Variants in PID1 observed in about 807,000 individuals in gnomAD.
PID1 encodes the protein phosphotyrosine interaction domain containing 1.
A neutral mutation model predicts 19.1 loss-of-function variants in PID1; 10 were observed. That is an observed-to-expected ratio of 0.52 (90% CI 0.32 to 0.89). PID1 has a LOEUF of 0.89. Ranked by LOEUF, PID1 falls within the 40% of genes least tolerant of loss-of-function variation. The probability of loss-of-function intolerance (pLI) is 0.03; values close to 1 mark genes in which losing one functional copy is unlikely to be tolerated. For missense variants in PID1, 248 were observed against 285.3 expected (o/e 0.87, Z 0.94); for synonymous variants, 130 against 116.0 (o/e 1.12, Z -0.78).
intron 2 of PID1, among the ~76,000 whole-genome samples, chr2:229,117,409 C>T (rs1295772996): frequency 6.6e-6 from 1 of 152,148 alleles, no homozygotes; most frequent in Non-Finnish European, 1.5e-5. Flanking sequence ...TATCCCCTAC[C>T]AGCCACCTTC....
chr2:229,142,430 C>T (rs62190384), intron 2 of PID1, among the ~76,000 whole-genome samples: 32,922 of 151,842 alleles, frequency 0.22, 4,005 homozygotes, highest in South Asian at 0.48. Flanking sequence ...TAATGGAAAA[C>T]ATTCAGTCGT....
Position 229,024,519 on chromosome 2 carries a change from T to A in PID1, c.*1113A>T, listed in dbSNP as rs754434612. 2.0e-5 allele frequency: 3 copies of A among 152,654 alleles called. No individual in the cohort carries two copies. The highest frequency in any genetic ancestry group is 4.4e-5 in the Non-Finnish European group (3 of 68,044). The allele number at this position is 152,654 out of a possible 1,614,324, so 9.5% of individuals were successfully genotyped here. On this transcript the variant is annotated 3_prime_UTR_variant, in exon 3 of 3. Transcript: ENST00000392055. ...CCCTAAGATATCATCAATTTTATGATAACGCAATAAGATTTCCCTTTAGGT... is the reference window on the plus strand; with the variant it reads ...CCCTAAGATATCATCAATTTTATGAAAACGCAATAAGATTTCCCTTTAGGT...
Position 229,065,343 on chromosome 2 carries a change from T to C in PID1, c.178-39235A>G, listed in dbSNP as rs189429203. On this transcript the variant is annotated intron_variant, in intron 2 of 2. Transcript: ENST00000392055. ...AAAGCAGAGTAGATATGACATACGT[T>C]ATAAGCAATGCTAGTGACTATTTCT... 5.3e-3 allele frequency among the ~76,000 whole-genome samples: 804 copies of C among 152,290 alleles called. 5 individuals carry two copies. Among genetic ancestry groups the C allele is most frequent in the South Asian group, 9.1e-3 (44 of 4,824 alleles).
rs1693389959 is a variant in PID1, at chr2:229,025,373, A to G, written c.*259T>C. On this transcript the variant is annotated 3_prime_UTR_variant, in exon 3 of 3. Transcript: ENST00000392055. ...CCACAGAGAGGCATTGGGAAATGAG[A>G]AAAATAAGAGAGCCTAGAACCTTCC... 2 of 382,104 alleles carry G rather than the reference A, an allele frequency of 5.2e-6. No individual in the cohort carries two copies. Among genetic ancestry groups the G allele is most frequent in the Non-Finnish European group, 8.8e-6 (2 of 226,312 alleles). The allele number at this position is 382,104 out of a possible 1,614,324, so 23.7% of individuals were successfully genotyped here. A position where few individuals can be genotyped will look rare whatever the true frequency, so the allele number is the denominator to read the frequency against.
At chr2:229,041,582 A>G (rs1023474197) in intron 2 of PID1, among the ~76,000 whole-genome samples, 1 of 152,238 alleles carries the variant, frequency 6.6e-6, no homozygotes, top group African/African-American at 2.4e-5. Flanking sequence ...GGATGCTAAA[A>G]TTTGGGACTA....
chr2:229,058,415 T>C (rs569665895), intron 2 of PID1, among the ~76,000 whole-genome samples: 1 of 152,210 alleles, frequency 6.6e-6, no homozygotes, highest in African/African-American at 2.4e-5. Flanking sequence ...CTCTGCAGCA[T>C]GGATGCTGGT....
intron 2 of PID1, among the ~76,000 whole-genome samples, chr2:229,120,699 C>T (rs1271479347): frequency 6.6e-6 from 1 of 151,802 alleles, no homozygotes; most frequent in Non-Finnish European, 1.5e-5. Context: ...CATTTGTCCC[C>T]ACCAAAACTC....
intron 1 of PID1, among the ~76,000 whole-genome samples, chr2:229,184,903 G>A (rs374716066): frequency 7.3e-6 from 1 of 137,536 alleles, no homozygotes; most frequent in African/African-American, 2.7e-5. Context: ...TCCTATATAT[G>A]TATCCCATAT....
chr2:229,206,465 A>T (rs1691611037), intron 1 of PID1, among the ~76,000 whole-genome samples: 1 of 152,194 alleles, frequency 6.6e-6, no homozygotes, highest in South Asian at 2.1e-4. Context: ...CAAGACCCTT[A>T]AATTCAGTTT....
At chr2:229,216,183 G>A (rs529122706) in intron 1 of PID1, among the ~76,000 whole-genome samples, 2 of 152,322 alleles carry the variant, frequency 1.3e-5, no homozygotes, top group Admixed American at 1.3e-4. Flanking sequence ...GCAGAAGAAT[G>A]AACTACAAAG....
chr2:229,185,785 G>C (rs1691117094), intron 1 of PID1, among the ~76,000 whole-genome samples: 1 of 152,056 alleles, frequency 6.6e-6, no homozygotes, highest in South Asian at 2.1e-4. Context: ...TTTTGGGTGG[G>C]GACATAGCCA....
intron 1 of PID1, among the ~76,000 whole-genome samples, chr2:229,166,016 C>A (rs1298095621): frequency 6.6e-6 from 1 of 152,144 alleles, no homozygotes; most frequent in Non-Finnish European, 1.5e-5. Context: ...AAGACTTGTA[C>A]ACAAATGCTC....
rs550082397 is a variant in PID1, at chr2:229,063,437, A to C, written c.178-37329T>G. 9.6e-4 allele frequency among the ~76,000 whole-genome samples: 146 copies of C among 152,222 alleles called. 1 individual carries two copies. The highest frequency in any genetic ancestry group is 3.3e-3 in the African/African-American group (138 of 41,546). On this transcript the variant is annotated intron_variant, in intron 2 of 2. Transcript: ENST00000392055. ...TATTTGCATTTGGGAATTCTCCAAAATTCTTCCTGTTGTTGATTTCCAGTT... is the reference window on the plus strand; with the variant it reads ...TATTTGCATTTGGGAATTCTCCAAACTTCTTCCTGTTGTTGATTTCCAGTT...
intron 2 of PID1, among the ~76,000 whole-genome samples, chr2:229,043,059 G>T (rs976021339): frequency 1.3e-5 from 2 of 150,358 alleles, no homozygotes; most frequent in African/African-American, 4.9e-5. Context: ...AGGCTGAAGT[G>T]CAGTGGAGCG....
intron 1 of PID1, among the ~76,000 whole-genome samples, chr2:229,221,545 T>C (rs1691970332): frequency 6.6e-6 from 1 of 152,120 alleles, no homozygotes; most frequent in African/African-American, 2.4e-5. Context: ...CATCAATGCC[T>C]CTTTCCATCT....
intron 1 of PID1, among the ~76,000 whole-genome samples, chr2:229,188,450 C>G (rs1361937852): frequency 6.6e-6 from 1 of 152,056 alleles, no homozygotes; most frequent in Non-Finnish European, 1.5e-5. Flanking sequence ...GAGATTGTGT[C>G]TGTTAGGCCA....
intron 2 of PID1, among the ~76,000 whole-genome samples, chr2:229,048,933 T>C (rs1693936713): frequency 6.6e-6 from 1 of 152,044 alleles, no homozygotes; most frequent in African/African-American, 2.4e-5. Flanking sequence ...GCAAACTTGA[T>C]TGTATATTTG....
chr2:229,059,501 T>C (rs2106191571), intron 2 of PID1, among the ~76,000 whole-genome samples: 1 of 152,306 alleles, frequency 6.6e-6, no homozygotes, highest in Non-Finnish European at 1.5e-5. Flanking sequence ...AAAAACTCAG[T>C]ATCAGAAAAG....
chr2:229,222,283 A>G (rs1240515916), intron 1 of PID1, among the ~76,000 whole-genome samples: 1 of 152,098 alleles, frequency 6.6e-6, no homozygotes, highest in Non-Finnish European at 1.5e-5. Flanking sequence ...GCGGGTCTAC[A>G]TGAGCCATAA....
Sources: gnomAD v4.1 joint callset for allele counts (sites outside exome capture counted in the v4.1 genomes callset) on GRCh38, gnomAD v4.1.1 for gene constraint, MANE v1.5 for transcripts, NCBI Gene and HGNC (gene_info 2026-07-23, HGNC 2026-07-21) for gene names.